The following NKAIN2 variants were observed in gnomAD, a reference collection of about 807,000 sequenced individuals.
NKAIN2 encodes the protein sodium/potassium-transporting ATPase subunit beta-1-interacting protein 2.
In NKAIN2, 14 loss-of-function variants were observed where a neutral mutation model predicts 32.6. The ratio of observed to expected loss-of-function variants is 0.43; its 90% CI spans 0.28 to 0.67. NKAIN2 has a LOEUF of 0.67. Among genes scored for constraint, NKAIN2 ranks in the 30% least tolerant of loss-of-function variants. NKAIN2 has a pLI of 0.17. For synonymous variants in NKAIN2, 80 were observed against 87.2 expected (o/e 0.92, Z 0.46); for missense variants, 198 against 258.3 (o/e 0.77, Z 1.60).
At chr6:124,422,697 T>C (rs1160521844) in intron 3 of NKAIN2, among the ~76,000 whole-genome samples, 3 of 152,246 alleles carry the variant, frequency 2.0e-5, no homozygotes, top group Non-Finnish European at 4.4e-5. Flanking sequence ...AGCAGCTTAC[T>C]TGCAATCTGG....
At position 124,274,194 on chromosome 6, in the gene NKAIN2, A is replaced by C. The variant is rs1006432930; in HGVS notation, c.55-8811A>C. 1.4e-4 allele frequency among the ~76,000 whole-genome samples: 22 copies of C among 152,242 alleles called. 1 individual carries two copies. Among genetic ancestry groups the C allele is most frequent in the Middle Eastern group, 3.4e-3 (1 of 294 alleles). ...TCTATTAACTGCATTGATAGTAGAA[A>C]CTTTCAGTTCATGTTTTTATCAGAA... is the stretch of plus-strand genomic sequence containing the variant. On this transcript the variant is annotated intron_variant, in intron 1 of 6. Transcript: ENST00000368417.
intron 3 of NKAIN2, among the ~76,000 whole-genome samples, chr6:124,590,743 C>CCCTTTGCTTT (rs1257860435): frequency 1.3e-5 from 2 of 151,940 alleles, no homozygotes; most frequent in African/African-American, 4.8e-5. Flanking sequence ...TTACAGGCTT[C>CCCTTTGCTTT]GCAGGGGTTT....
chr6:124,082,565 A>T (rs188104410), intron 1 of NKAIN2, among the ~76,000 whole-genome samples: 4,423 of 151,876 alleles, frequency 0.029, 200 homozygotes, highest in African/African-American at 0.098. Context: ...TAAAATTTTT[A>T]AAAAAACATT....
chr6:123,891,216 G>A (rs535340709), intron 1 of NKAIN2, among the ~76,000 whole-genome samples: 7 of 152,206 alleles, frequency 4.6e-5, no homozygotes, highest in African/African-American at 1.7e-4. Flanking sequence ...GTTGTTTAAT[G>A]GGTACAGAGT....
At chr6:124,372,733 C>A (rs890385405) in intron 3 of NKAIN2, among the ~76,000 whole-genome samples, 12 of 152,046 alleles carry the variant, frequency 7.9e-5, no homozygotes, top group African/African-American at 2.9e-4. Context: ...GGCAAATATT[C>A]TTTTTCATTA....
chr6:124,348,376 G>T (rs1475042795), intron 2 of NKAIN2, among the ~76,000 whole-genome samples: 1 of 152,194 alleles, frequency 6.6e-6, no homozygotes, highest in Non-Finnish European at 1.5e-5. Flanking sequence ...GTCAGACAGG[G>T]ACATTTAAGT....
intron 4 of NKAIN2, among the ~76,000 whole-genome samples, chr6:124,722,922 C>G (rs1776092339): frequency 6.6e-6 from 1 of 152,150 alleles, no homozygotes; most frequent in African/African-American, 2.4e-5. Flanking sequence ...TAGAGTCTTT[C>G]AAGGTGTGGT....
intron 2 of NKAIN2, among the ~76,000 whole-genome samples, chr6:124,293,527 A>T (rs1039953421): frequency 6.6e-6 from 1 of 152,124 alleles, no homozygotes; most frequent in Non-Finnish European, 1.5e-5. Context: ...AATCTATGAA[A>T]CCATCTAGTC....
At chr6:124,555,572 T>C (rs1165914635) in intron 3 of NKAIN2, among the ~76,000 whole-genome samples, 3 of 152,242 alleles carry the variant, frequency 2.0e-5, no homozygotes, top group Non-Finnish European at 4.4e-5. Flanking sequence ...TAGATATTCT[T>C]GTGACTCACG....
chr6:124,417,895 T>C (rs575192570), intron 3 of NKAIN2, among the ~76,000 whole-genome samples: 1 of 152,328 alleles, frequency 6.6e-6, no homozygotes, highest in South Asian at 2.1e-4. Context: ...GAATTTCCTC[T>C]TTTTTATGGT....
At chr6:124,400,308 A>G (rs1773570938) in intron 3 of NKAIN2, among the ~76,000 whole-genome samples, 1 of 151,424 alleles carries the variant, frequency 6.6e-6, no homozygotes, top group Non-Finnish European at 1.5e-5. Flanking sequence ...GTTGAAAACC[A>G]CTGAGAGAGA....
At chr6:123,856,951 G>T (rs189000048) in intron 1 of NKAIN2, among the ~76,000 whole-genome samples, 1 of 152,166 alleles carries the variant, frequency 6.6e-6, no homozygotes, top group South Asian at 2.1e-4. Context: ...AGACACAGTG[G>T]GGTTGCTAAT....
At chr6:124,623,291 A>G (rs958326054) in intron 3 of NKAIN2, among the ~76,000 whole-genome samples, 2 of 152,164 alleles carry the variant, frequency 1.3e-5, no homozygotes, top group Non-Finnish European at 2.9e-5. Flanking sequence ...CATCACATGT[A>G]TGATGGGGCT....
intron 1 of NKAIN2, among the ~76,000 whole-genome samples, chr6:124,209,703 A>G (rs1413173203): frequency 1.3e-5 from 2 of 151,892 alleles, no homozygotes; most frequent in Non-Finnish European, 2.9e-5. Context: ...TTCTCTGGTT[A>G]TTAATGAGGT....
chr6:124,310,689 C>T (rs984602761), intron 2 of NKAIN2, among the ~76,000 whole-genome samples: 3 of 151,996 alleles, frequency 2.0e-5, no homozygotes, highest in African/African-American at 7.3e-5. Flanking sequence ...AAATATGACC[C>T]GAATCTCCAC....
chr6:123,995,146 C>T (rs891326046), intron 1 of NKAIN2, among the ~76,000 whole-genome samples: 1 of 152,066 alleles, frequency 6.6e-6, no homozygotes, highest in African/African-American at 2.4e-5. Context: ...GAGAGAAACA[C>T]GAGAATTGCA....
intron 1 of NKAIN2, among the ~76,000 whole-genome samples, chr6:124,038,668 A>C (rs114146810): frequency 0.018 from 2,707 of 152,178 alleles, 75 homozygotes; most frequent in African/African-American, 0.061. Flanking sequence ...ACAATCACCT[A>C]CTCCGAATTT....
intron 1 of NKAIN2, among the ~76,000 whole-genome samples, chr6:123,862,693 C>T (rs1380505370): frequency 1.3e-5 from 2 of 152,056 alleles, no homozygotes; most frequent in Admixed American, 6.6e-5. Flanking sequence ...TCTTTCTGCC[C>T]ACAATATCCA....
chr6:124,754,823 A>T (rs1372610152), intron 4 of NKAIN2, among the ~76,000 whole-genome samples: 1 of 152,180 alleles, frequency 6.6e-6, no homozygotes, highest in Non-Finnish European at 1.5e-5. Context: ...TATCAGAAAC[A>T]CACATATACA....
Sources: allele counts gnomAD v4.1 joint callset (sites outside exome capture counted in the v4.1 genomes callset), GRCh38; gene constraint gnomAD v4.1.1; transcripts MANE v1.5; gene names NCBI Gene and HGNC (gene_info 2026-07-23, HGNC 2026-07-21).